Variants in NRXN3 observed in about 807,000 individuals in gnomAD.
NRXN3 encodes the protein neurexin III.
A neutral mutation model predicts 137.6 loss-of-function variants in NRXN3; 32 were observed. The observed-to-expected ratio is 0.23, with a 90% CI of 0.18 to 0.31. The LOEUF (loss-of-function observed/expected upper bound fraction) is 0.31, where lower values mean the gene tolerates loss of function less well. Among genes scored for constraint, NRXN3 ranks in the 10% least tolerant of loss-of-function variants. NRXN3 has a pLI of 1.00. For synonymous variants in NRXN3, 798 were observed against 784.5 expected (o/e 1.02, Z -0.29); for missense variants, 1,574 against 2,062.5 (o/e 0.76, Z 4.59).
chr14:79,212,979 C>T (rs1368105042), intron 15 of NRXN3, among the ~76,000 whole-genome samples: 2 of 151,838 alleles, frequency 1.3e-5, no homozygotes, highest in Non-Finnish European at 2.9e-5. Flanking sequence ...TATAAACTTA[C>T]CTTGGAGATT....
intron 10 of NRXN3, among the ~76,000 whole-genome samples, chr14:78,812,669 T>G (rs1567386625): frequency 6.6e-6 from 1 of 152,180 alleles, no homozygotes; most frequent in Non-Finnish European, 1.5e-5. Flanking sequence ...ATATTTTCTA[T>G]TTACACCCCA....
intron 4 of NRXN3, among the ~76,000 whole-genome samples, chr14:78,472,360 A>C (rs2095291604): frequency 6.6e-6 from 1 of 152,140 alleles, no homozygotes. Flanking sequence ...GTGTGTGGGG[A>C]AGCTCAGATT....
At chr14:79,770,959 C>A (rs1238639966) in intron 19 of NRXN3, among the ~76,000 whole-genome samples, 2 of 152,190 alleles carry the variant, frequency 1.3e-5, no homozygotes, top group African/African-American at 2.4e-5. Flanking sequence ...ACCGATCCCA[C>A]AGAAATACAA....
chr14:78,172,003 C>T (rs2058770069), intron 1 of NRXN3, among the ~76,000 whole-genome samples: 1 of 152,070 alleles, frequency 6.6e-6, no homozygotes, highest in South Asian at 2.1e-4. Context: ...CTGTCTTCTC[C>T]CCGCTTCCTT....
intron 10 of NRXN3, among the ~76,000 whole-genome samples, chr14:78,855,848 A>G (rs771663031): frequency 2.0e-5 from 3 of 152,190 alleles, no homozygotes; most frequent in Non-Finnish European, 4.4e-5. Context: ...AGAACTTTAC[A>G]GTCATAGTAT....
chr14:79,203,810 A>C (rs189802729), intron 15 of NRXN3, among the ~76,000 whole-genome samples: 5 of 152,330 alleles, frequency 3.3e-5, no homozygotes, highest in Admixed American at 3.3e-4. Flanking sequence ...AATTATTAGC[A>C]GATAGTAGGT....
chr14:79,774,475 G>T (rs886227309), intron 19 of NRXN3, among the ~76,000 whole-genome samples: 8 of 151,980 alleles, frequency 5.3e-5, no homozygotes, highest in Non-Finnish European at 8.8e-5. Context: ...GATTTCCCTA[G>T]GAGTCTGAGA....
chr14:79,779,089 G>A (rs775959013), intron 19 of NRXN3, among the ~76,000 whole-genome samples: 4 of 152,194 alleles, frequency 2.6e-5, no homozygotes, highest in South Asian at 2.1e-4. Context: ...AGTAAATGCC[G>A]AATTAATGGC....
chr14:79,290,470 G>T (rs2082989006), intron 15 of NRXN3, among the ~76,000 whole-genome samples: 1 of 152,154 alleles, frequency 6.6e-6, no homozygotes, highest in African/African-American at 2.4e-5. Flanking sequence ...AAACAAGTAG[G>T]AGAAATAATC....
At chr14:78,925,518 C>T (rs995801692) in intron 10 of NRXN3, among the ~76,000 whole-genome samples, 3 of 152,162 alleles carry the variant, frequency 2.0e-5, no homozygotes, top group African/African-American at 7.2e-5. Context: ...GATTGTGCAG[C>T]TCTTTTACTT....
chr14:78,989,575 T>C (rs1235155435), intron 15 of NRXN3, among the ~76,000 whole-genome samples: 1 of 152,186 alleles, frequency 6.6e-6, no homozygotes, highest in Admixed American at 6.5e-5. Flanking sequence ...TTTGGTATTA[T>C]TGAAAGTCAT....
chr14:79,185,255 C>T (rs1454487506), intron 15 of NRXN3, among the ~76,000 whole-genome samples: 1 of 152,242 alleles, frequency 6.6e-6, no homozygotes, highest in East Asian at 1.9e-4. Context: ...GAAGTCACTC[C>T]ACGCTCTGAG....
intron 10 of NRXN3, among the ~76,000 whole-genome samples, chr14:78,935,835 T>G (rs2099336421): frequency 6.6e-6 from 1 of 152,202 alleles, no homozygotes; most frequent in Non-Finnish European, 1.5e-5. Context: ...AAAGTGTAAG[T>G]GATCCTCAAC....
chr14:79,082,771 G>A (rs2047316717), intron 15 of NRXN3, among the ~76,000 whole-genome samples: 1 of 152,116 alleles, frequency 6.6e-6, no homozygotes, highest in South Asian at 2.1e-4. Flanking sequence ...AAAACAAGTT[G>A]CATACATGTC....
intron 4 of NRXN3, among the ~76,000 whole-genome samples, chr14:78,604,886 T>C (rs916959216): frequency 2.6e-5 from 4 of 152,212 alleles, no homozygotes; most frequent in African/African-American, 9.6e-5. Context: ...ACTGTTTCAA[T>C]AACTTTCTTA....
chr14:78,896,883 G>T (rs2099177597), intron 10 of NRXN3, among the ~76,000 whole-genome samples: 1 of 151,860 alleles, frequency 6.6e-6, no homozygotes, highest in Admixed American at 6.6e-5. Context: ...AAAGTAAATT[G>T]GGCAGAATTG....
At chr14:78,352,288 A>G (rs1358992499) in intron 4 of NRXN3, among the ~76,000 whole-genome samples, 1 of 152,152 alleles carries the variant, frequency 6.6e-6, no homozygotes, top group Non-Finnish European at 1.5e-5. Flanking sequence ...TGAACAATCC[A>G]TCCCTTGCTC....
chr14:78,428,108 C>T (rs55960597), intron 4 of NRXN3, among the ~76,000 whole-genome samples: 17,393 of 152,120 alleles, frequency 0.11, 1,411 homozygotes, highest in African/African-American at 0.22. Context: ...TTTAAAAGGA[C>T]TAAATGAGGT....
intron 16 of NRXN3, among the ~76,000 whole-genome samples, chr14:79,589,342 A>C (rs1459675800): frequency 6.7e-6 from 1 of 150,352 alleles, no homozygotes; most frequent in Non-Finnish European, 1.5e-5. Context: ...CATTTACTCT[A>C]TTTTTTTTTG....
Sources: allele counts gnomAD v4.1 joint callset (sites outside exome capture counted in the v4.1 genomes callset), GRCh38; gene constraint gnomAD v4.1.1; transcripts MANE v1.5; gene names NCBI Gene and HGNC (gene_info 2026-07-23, HGNC 2026-07-21).